The following KCNJ10 variants were observed in gnomAD, a reference collection of about 807,000 sequenced individuals.
The protein encoded by KCNJ10 is potassium inwardly rectifying channel subfamily J member 10.
Under a neutral mutation model 22.2 loss-of-function variants are expected in KCNJ10, and 9 were observed. The observed-to-expected ratio is 0.40, with a 90% CI of 0.24 to 0.71. KCNJ10 has a LOEUF of 0.71. KCNJ10 is among the 30% of genes least tolerant of loss of function. The probability of loss-of-function intolerance (pLI) is 0.35; values close to 1 mark genes in which losing one functional copy is unlikely to be tolerated. For missense variants in KCNJ10, 337 were observed against 482.7 expected (o/e 0.70, Z 2.83); for synonymous variants, 184 against 187.3 (o/e 0.98, Z 0.15).
intron 1 of KCNJ10, among the ~76,000 whole-genome samples, chr1:160,049,685 A>ATATATATATATT (rs1648844654): frequency 1.0e-5 from 1 of 98,864 alleles, no homozygotes; most frequent in African/African-American, 4.9e-5. Context: ...TTATATATAT[A>ATATATATATATT]TATATATATA....
intron 1 of KCNJ10, among the ~76,000 whole-genome samples, chr1:160,066,997 G>A (rs1053354874): frequency 2.0e-5 from 3 of 152,126 alleles, no homozygotes; most frequent in African/African-American, 7.2e-5. Context: ...CCTTTCCCCA[G>A]GTGTTGTGCC....
chr1:160,062,010 A>C (rs1649209279), intron 1 of KCNJ10, among the ~76,000 whole-genome samples: 1 of 151,880 alleles, frequency 6.6e-6, no homozygotes, highest in Admixed American at 6.6e-5. Flanking sequence ...CGGAACCGAG[A>C]AGTGGGCAGG....
At chr1:160,058,401 C>G (rs917728328) in intron 1 of KCNJ10, among the ~76,000 whole-genome samples, 4 of 152,160 alleles carry the variant, frequency 2.6e-5, no homozygotes, top group African/African-American at 9.7e-5. Flanking sequence ...AGTAGGAGTG[C>G]CTCAGTGATA....
intron 1 of KCNJ10, among the ~76,000 whole-genome samples, chr1:160,054,196 G>T (rs980067027): frequency 6.6e-6 from 1 of 152,092 alleles, no homozygotes; most frequent in Admixed American, 6.5e-5. Context: ...TACCCCTATT[G>T]CACGCCCTCC....
intron 1 of KCNJ10, among the ~76,000 whole-genome samples, chr1:160,053,294 G>A (rs879573377): frequency 2.0e-4 from 31 of 152,214 alleles, no homozygotes; most frequent in Middle Eastern, 3.4e-3. Context: ...CTTGAATAGC[G>A]ACCTTAGAGT....
intron 1 of KCNJ10, among the ~76,000 whole-genome samples, chr1:160,057,687 T>C (rs548426879): frequency 6.6e-6 from 1 of 152,286 alleles, no homozygotes; most frequent in African/African-American, 2.4e-5. Flanking sequence ...TGAAGGCTAA[T>C]GAGTTGTCAC....
Position 160,039,230 on chromosome 1 carries a change from A to G in KCNJ10, c.*2163T>C, listed in dbSNP as rs1648546868. The G allele has an allele frequency of 1.3e-5, 2 of 152,614 alleles. No homozygotes were observed. The highest frequency in any genetic ancestry group is 2.9e-5 in the Non-Finnish European group (2 of 68,048). The allele number at this position is 152,614 out of a possible 1,614,324, so 9.5% of individuals were successfully genotyped here. Reference sequence around the variant, plus strand: ...AGATTCCAAAAGGGTAAGTCAGAAAATGTTTTCTTCTCACTGTTTCATCCA... The same window carrying G: ...AGATTCCAAAAGGGTAAGTCAGAAAGTGTTTTCTTCTCACTGTTTCATCCA... On this transcript the variant is annotated 3_prime_UTR_variant, in exon 2 of 2. Transcript: ENST00000644903.
intron 1 of KCNJ10, among the ~76,000 whole-genome samples, chr1:160,056,785 A>G (rs1181512070): frequency 1.3e-5 from 2 of 152,192 alleles, no homozygotes; most frequent in Non-Finnish European, 2.9e-5. Context: ...TGGGCTAGGA[A>G]TGTCAACTAT....
chr1:160,057,551 A>G (rs1384096109), intron 1 of KCNJ10, among the ~76,000 whole-genome samples: 6 of 152,202 alleles, frequency 3.9e-5, no homozygotes, highest in Non-Finnish European at 4.4e-5. Flanking sequence ...AGTAGAGCCA[A>G]GTTCCTTAAT....
intron 1 of KCNJ10, among the ~76,000 whole-genome samples, chr1:160,049,025 T>A (rs980560699): frequency 2.0e-5 from 3 of 152,218 alleles, no homozygotes; most frequent in African/African-American, 4.8e-5. Flanking sequence ...CATTTTATTC[T>A]CATGGCATTC....
intron 1 of KCNJ10, 114 bp from the exon 2 acceptor site, chr1:160,042,646 T>G: frequency 4.1e-6 from 4 of 979,814 alleles, no homozygotes; most frequent in Non-Finnish European, 6.3e-6. Context: ...TTATGTGTTC[T>G]TGTCTTACCA....
intron 1 of KCNJ10, among the ~76,000 whole-genome samples, chr1:160,059,666 G>A (rs11265313): frequency 0.45 from 68,377 of 151,946 alleles, 15,988 homozygotes; most frequent in East Asian, 0.67. Context: ...TGAGGTCCAC[G>A]AGGAGGAGAC....
intron 1 of KCNJ10, among the ~76,000 whole-genome samples, chr1:160,051,370 A>G (rs1034061015): frequency 2.0e-5 from 3 of 152,148 alleles, no homozygotes; most frequent in Non-Finnish European, 4.4e-5. Context: ...GTAGACCAGC[A>G]CTTCATATTT....
intron 1 of KCNJ10, among the ~76,000 whole-genome samples, chr1:160,055,516 A>G (rs1649007568): frequency 6.6e-6 from 1 of 152,198 alleles, no homozygotes. Context: ...TTAGCCATTA[A>G]GTAGCTCTGC....
intron 1 of KCNJ10, among the ~76,000 whole-genome samples, chr1:160,061,471 C>T (rs1381876794): frequency 1.3e-5 from 2 of 152,060 alleles, no homozygotes; most frequent in Admixed American, 1.3e-4. Flanking sequence ...GTACTTGACT[C>T]AGCTCTGGGG....
chr1:160,046,010 A>G (rs1648734280), intron 1 of KCNJ10, among the ~76,000 whole-genome samples: 1 of 152,180 alleles, frequency 6.6e-6, no homozygotes, highest in African/African-American at 2.4e-5. Flanking sequence ...AAAGCTTTGG[A>G]TGGGAGATTG....
At chr1:160,061,235 G>A (rs1284455499) in intron 1 of KCNJ10, among the ~76,000 whole-genome samples, 1 of 152,162 alleles carries the variant, frequency 6.6e-6, no homozygotes, top group Non-Finnish European at 1.5e-5. Flanking sequence ...AACTAGCGGT[G>A]AGAGACCTCC....
At chr1:160,052,586 T>C (rs1648929575) in intron 1 of KCNJ10, among the ~76,000 whole-genome samples, 1 of 152,206 alleles carries the variant, frequency 6.6e-6, no homozygotes, top group Non-Finnish European at 1.5e-5. Flanking sequence ...TATCTGTCCA[T>C]GCCCAGTATT....
At chr1:160,067,901 T>C (rs1649358778) in intron 1 of KCNJ10, 1 of 152,022 alleles carries the variant, frequency 6.6e-6, no homozygotes, top group Non-Finnish European at 1.5e-5. Flanking sequence ...GAGGACTTCA[T>C]CTGAGCCCAC....
Sources: allele counts gnomAD v4.1 joint callset (sites outside exome capture counted in the v4.1 genomes callset), GRCh38; gene constraint gnomAD v4.1.1; transcripts MANE v1.5; gene names NCBI Gene and HGNC (gene_info 2026-07-23, HGNC 2026-07-21).